RAB38: variants seen among roughly 807,000 people sequenced by gnomAD.
RAB38 encodes the protein ras-related protein Rab-38.
RAB38 carries 15 observed loss-of-function variants against 18.4 expected under a neutral mutation model. The ratio of observed to expected loss-of-function variants is 0.82; its 90% CI spans 0.55 to 1.26. The LOEUF (loss-of-function observed/expected upper bound fraction) is 1.26. RAB38 is among the 50% of genes most tolerant of loss of function. RAB38 has a pLI of 0.00. For synonymous variants in RAB38, 101 were observed against 104.4 expected, an observed-to-expected ratio of 0.97 and a Z score of 0.20; for missense variants, 294 against 267.4, an observed-to-expected ratio of 1.10 and a Z score of -0.69.
the RAB38 span, among the ~76,000 whole-genome samples, chr11:87,973,650 C>G: frequency 6.6e-6 from 1 of 151,940 alleles, no homozygotes; most frequent in Admixed American, 6.6e-5. Context: ...GGAGGGTACT[C>G]AGAAGCCTCT....
chr11:87,887,243 T>C, the RAB38 span, among the ~76,000 whole-genome samples: 1 of 151,992 alleles, frequency 6.6e-6, no homozygotes, highest in Non-Finnish European at 1.5e-5. Context: ...AGTTATGTTT[T>C]ACTCCAAAGT....
the RAB38 span, among the ~76,000 whole-genome samples, chr11:88,040,187 G>C: frequency 5.3e-5 from 8 of 152,164 alleles, no homozygotes; most frequent in Non-Finnish European, 1.2e-4. Context: ...TTAAACAATA[G>C]AAATTTATGT....
chr11:87,821,987 GA>G, the RAB38 span, among the ~76,000 whole-genome samples: 2 of 151,922 alleles, frequency 1.3e-5, no homozygotes, highest in Non-Finnish European at 2.9e-5. Context: ...CTTAGCAGGT[GA>G]AAAAAACTGA....
the RAB38 span, among the ~76,000 whole-genome samples, chr11:87,848,401 C>A: frequency 6.6e-6 from 1 of 152,124 alleles, no homozygotes; most frequent in Non-Finnish European, 1.5e-5. Context: ...CATATTGTTC[C>A]TCCTCCTAAA....
At chr11:88,043,609 C>CG in the RAB38 span, among the ~76,000 whole-genome samples, 13 of 141,392 alleles carry the variant, frequency 9.2e-5, no homozygotes, top group Admixed American at 5.6e-4. Context: ...GTGACCCCCC[C>CG]ACCCTGCCCA....
chr11:87,865,442 T>A, the RAB38 span, among the ~76,000 whole-genome samples: 1 of 151,698 alleles, frequency 6.6e-6, no homozygotes, highest in African/African-American at 2.4e-5. Context: ...GTGGTCACAA[T>A]CAAAGAATTC....
chr11:87,893,928 T>A, the RAB38 span, among the ~76,000 whole-genome samples: 1 of 151,642 alleles, frequency 6.6e-6, no homozygotes, highest in Non-Finnish European at 1.5e-5. Flanking sequence ...AATCTTAGGA[T>A]TTTTTTGCTA....
the RAB38 span, among the ~76,000 whole-genome samples, chr11:88,017,426 C>T: frequency 6.6e-6 from 1 of 151,622 alleles, no homozygotes; most frequent in Admixed American, 6.6e-5. Context: ...TTTCTAAGGT[C>T]GTATAATCCA....
Position 88,140,823 on chromosome 11 carries a change from G to A in RAB38, c.483+8852C>T, listed in dbSNP as rs191888542. Among the ~76,000 whole-genome samples the A allele has an allele frequency of 1.6e-3, 241 of 152,306 alleles. 1 individual carries two copies. Among genetic ancestry groups the A allele is most frequent in the African/African-American group, 5.5e-3 (229 of 41,574 alleles). On this transcript the variant is annotated intron_variant, in intron 2 of 2. Coordinates refer to ENST00000243662, the MANE Select transcript of RAB38 (RefSeq NM_022337.3). ...AGAATGAGGGGTTTCTAAAGAATGT[G>A]TGACCTGGTTATATGGTGTCCAGCT...
the RAB38 span, among the ~76,000 whole-genome samples, chr11:87,877,559 T>C: frequency 6.6e-6 from 1 of 151,568 alleles, no homozygotes; most frequent in Non-Finnish European, 1.5e-5. Context: ...TTCTTTCCTT[T>C]GTGTCCTGTA....
At chr11:88,044,105 A>G in the RAB38 span, among the ~76,000 whole-genome samples, 4 of 152,128 alleles carry the variant, frequency 2.6e-5, no homozygotes, top group Non-Finnish European at 4.4e-5. Flanking sequence ...CATTTTATCC[A>G]TGGACTCAAA....
chr11:88,027,667 G>A, the RAB38 span, among the ~76,000 whole-genome samples: 1 of 131,568 alleles, frequency 7.6e-6, no homozygotes. Flanking sequence ...GCGAGGCTGG[G>A]GGAGGGGCGC....
chr11:88,054,916 G>C, the RAB38 span, among the ~76,000 whole-genome samples: 1 of 152,168 alleles, frequency 6.6e-6, no homozygotes, highest in African/African-American at 2.4e-5. Context: ...AGTCAGAGTT[G>C]TCTGGTTCTA....
chr11:87,855,822 C>G, the RAB38 span, among the ~76,000 whole-genome samples: 1 of 151,942 alleles, frequency 6.6e-6, no homozygotes, highest in African/African-American at 2.4e-5. Context: ...ATAAATAATT[C>G]TGACAGTTCT....
intron 2 of RAB38, 22 bp downstream of exon 2, chr11:88,149,653 T>G: frequency 6.3e-7 from 1 of 1,591,360 alleles, no homozygotes; most frequent in Admixed American, 1.7e-5. Flanking sequence ...TATATTAAGC[T>G]TATTATTTAA....
the RAB38 span, among the ~76,000 whole-genome samples, chr11:87,961,159 C>G: frequency 6.6e-6 from 1 of 152,064 alleles, no homozygotes; most frequent in Non-Finnish European, 1.5e-5. Context: ...GGCGTTGGAC[C>G]TCCTTTCAGC....
the RAB38 span, chr11:87,817,234 C>T: frequency 6.6e-6 from 1 of 152,082 alleles, no homozygotes; most frequent in African/African-American, 2.4e-5. Flanking sequence ...AAACTTTTAC[C>T]TAGTCAGAGC....
chr11:88,168,220 T>C (rs971029635), intron 1 of RAB38, among the ~76,000 whole-genome samples: 14 of 152,208 alleles, frequency 9.2e-5, no homozygotes, highest in African/African-American at 3.4e-4. Context: ...ATTACTGTGG[T>C]ATTTAAATTG....
chr11:88,004,362 C>T, the RAB38 span, among the ~76,000 whole-genome samples: 1 of 150,916 alleles, frequency 6.6e-6, no homozygotes, highest in African/African-American at 2.4e-5. Context: ...TAATTTACCA[C>T]AATAACAAAA....
Sources: gnomAD v4.1 joint callset for allele counts (sites outside exome capture counted in the v4.1 genomes callset) on GRCh38, gnomAD v4.1.1 for gene constraint, MANE v1.5 for transcripts, NCBI Gene and HGNC (gene_info 2026-07-23, HGNC 2026-07-21) for gene names.